PTPN12: variants seen among roughly 807,000 people sequenced by gnomAD.
PTPN12 encodes the protein protein tyrosine phosphatase non-receptor type 12, also known as tyrosine-protein phosphatase non-receptor type 12.
PTPN12 carries 29 observed loss-of-function variants against 97.6 expected under a neutral mutation model. The observed-to-expected ratio is 0.30, with a 90% CI of 0.22 to 0.41. The LOEUF (loss-of-function observed/expected upper bound fraction) is 0.41. Ranked by LOEUF, PTPN12 falls within the 10% of genes least tolerant of loss-of-function variation. The pLI is 1.00. For missense variants in PTPN12, 819 were observed against 926.0 expected (o/e 0.88, Z 1.50); for synonymous variants, 327 against 300.4 (o/e 1.09, Z -0.91).
chr7:77,633,524 G>A (rs1789477959), intron 14 of PTPN12, among the ~76,000 whole-genome samples: 1 of 151,384 alleles, frequency 6.6e-6, no homozygotes, highest in Non-Finnish European at 1.5e-5. Flanking sequence ...CAGGAGAATC[G>A]CTTGAACCCC....
intron 6 of PTPN12, among the ~76,000 whole-genome samples, chr7:77,592,546 A>G (rs1421720210): frequency 6.6e-6 from 1 of 152,194 alleles, no homozygotes; most frequent in African/African-American, 2.4e-5. Context: ...TGTGCTTTTA[A>G]TATTTGGAAA....
At chr7:77,636,348 C>T (rs529616222) in intron 15 of PTPN12, among the ~76,000 whole-genome samples, 3 of 151,940 alleles carry the variant, frequency 2.0e-5, no homozygotes, top group African/African-American at 7.2e-5. Flanking sequence ...TTTGGGAGGC[C>T]AAGCAGAAGG....
chr7:77,593,315 C>T (rs1787925339), intron 6 of PTPN12, among the ~76,000 whole-genome samples: 1 of 151,872 alleles, frequency 6.6e-6, no homozygotes, highest in South Asian at 2.1e-4. Context: ...TAGGGTTCTC[C>T]AGAGAAGCAG....
chr7:77,618,266 T>C lies in PTPN12; in HGVS notation c.940-214T>C, dbSNP rs138355837. ...CTGCTGTACACCTTGATCTTTCCAG[T>C]AACTGTGATGCGCTGTTTTTTTGAT... On this transcript the variant is annotated intron_variant, in intron 11 of 17. Coordinates refer to ENST00000248594, the MANE Select transcript of PTPN12 (RefSeq NM_002835.4). Among the ~76,000 whole-genome samples, 186 of 152,260 alleles carry C rather than the reference T, an allele frequency of 1.2e-3. 2 individuals are homozygous for C. The highest frequency in any genetic ancestry group is 3.9e-3 in the African/African-American group (161 of 41,558).
chr7:77,592,144 C>T (rs1265424398), intron 5 of PTPN12, 41 bp from the exon 6 acceptor site: 32 of 1,522,226 alleles, frequency 2.1e-5, no homozygotes, highest in African/African-American at 2.8e-5. Flanking sequence ...TTAAGAAAAA[C>T]TTACATGAAT....
intron 9 of PTPN12, among the ~76,000 whole-genome samples, chr7:77,610,339 A>T (rs1278471723): frequency 6.6e-6 from 1 of 152,184 alleles, no homozygotes; most frequent in East Asian, 1.9e-4. Context: ...TCCTCCTTTG[A>T]GTACCTTCTC....
At chr7:77,609,272 T>TG (rs1788479130) in intron 9 of PTPN12, among the ~76,000 whole-genome samples, 1 of 61,192 alleles carries the variant, frequency 1.6e-5, no homozygotes, top group African/African-American at 1.2e-4. Flanking sequence ...TCTCTCTCTC[T>TG]CTTTTTTTTT....
At chr7:77,615,588 C>T (rs977321420) in intron 11 of PTPN12, among the ~76,000 whole-genome samples, 44 of 152,052 alleles carry the variant, frequency 2.9e-4, no homozygotes, top group Admixed American at 2.7e-3. Context: ...CTATACAAAA[C>T]AATTTTTTTT....
At chr7:77,541,137 C>A (rs1163429771) in intron 1 of PTPN12, among the ~76,000 whole-genome samples, 1 of 152,166 alleles carries the variant, frequency 6.6e-6, no homozygotes, top group East Asian at 1.9e-4. Flanking sequence ...GTCACCCAGG[C>A]TGGAGTGCAT....
intron 1 of PTPN12, among the ~76,000 whole-genome samples, chr7:77,541,074 GGTTTT>G (rs1806950069): frequency 6.6e-6 from 1 of 151,908 alleles, no homozygotes; most frequent in Non-Finnish European, 1.5e-5. Flanking sequence ...AATATTTTTT[GGTTTT>G]GTTTTGTTTT....
At position 77,537,518 on chromosome 7, in the gene PTPN12, A is replaced by C. The variant is rs1256883249; in HGVS notation, c.-29A>C. The C allele has an allele frequency of 1.3e-6, 2 of 1,562,820 alleles. No individual in the cohort carries two copies. The highest frequency in any genetic ancestry group is 1.8e-5 in the Admixed American group (1 of 54,256). ...CGGGCGGGCGGGCGGCGGGGGGGCC[A>C]GCGACCGCAGCCGGGGGGACGCGGG... On this transcript the variant is annotated 5_prime_UTR_variant, in exon 1 of 18. Coordinates refer to ENST00000248594, the MANE Select transcript of PTPN12 (RefSeq NM_002835.4).
chr7:77,627,517 C>G lies in PTPN12; in HGVS notation c.1838C>G (p.Ser613Cys), dbSNP rs180735669. The G allele has an allele frequency of 5.0e-6, 8 of 1,614,102 alleles. No homozygotes were observed. Among genetic ancestry groups the G allele is most frequent in the Admixed American group, 3.3e-5 (2 of 59,998 alleles). Reference protein sequence around the residue: ...SDDSDSDERNSDGAVTQNKTN... With the variant: ...SDDSDSDERNCDGAVTQNKTN... ...GACTCAGACTCAGATGAAAGAAACT[C>G]TGATGGTGCTGTGACCCAGAATAAA... is the stretch of plus-strand genomic sequence containing the variant. The change falls in exon 13 of 18, where the codon TCT becomes TGT. Residue 613 changes from serine (S) to cysteine (C), a missense_variant. By Grantham distance (112) the Ser-to-Cys change is moderately radical. This residue lies in a region of PTPN12 where 607 missense variants were observed against 577.3 expected (regional missense o/e 1.05). Transcript: ENST00000248594.
At chr7:77,637,503 A>C (rs933653156) in intron 16 of PTPN12, among the ~76,000 whole-genome samples, 1 of 152,158 alleles carries the variant, frequency 6.6e-6, no homozygotes, top group African/African-American at 2.4e-5. Flanking sequence ...TTTTGTTACT[A>C]ATCTTAAACA....
intron 4 of PTPN12, among the ~76,000 whole-genome samples, chr7:77,584,589 C>A (rs796739543): frequency 2.0e-5 from 3 of 152,092 alleles, no homozygotes; most frequent in African/African-American, 7.2e-5. Context: ...AAATTATGTT[C>A]TAGATTGGCC....
At chr7:77,545,672 G>T (rs1476375822) in intron 1 of PTPN12, 1 of 150,684 alleles carries the variant, frequency 6.6e-6, no homozygotes, top group East Asian at 1.9e-4. Flanking sequence ...ATCCAATTTT[G>T]TAACTTTGGT....
At chr7:77,603,431 T>C (rs1296993453) in intron 8 of PTPN12, among the ~76,000 whole-genome samples, 2 of 152,336 alleles carry the variant, frequency 1.3e-5, no homozygotes, top group East Asian at 3.9e-4. Context: ...GAGATAACCA[T>C]TGTTAAAACT....
chr7:77,603,714 C>T (rs566557333), intron 8 of PTPN12, among the ~76,000 whole-genome samples: 24 of 152,062 alleles, frequency 1.6e-4, no homozygotes, highest in African/African-American at 5.5e-4. Flanking sequence ...GGATAAATAT[C>T]CAGAAGTGAG....
In PTPN12 at chr7:77,632,333, A is replaced by G. The variant is rs370759205; in HGVS notation, c.1997-15A>G. The G allele has an allele frequency of 1.3e-6, 2 of 1,542,254 alleles. No individual in the cohort carries two copies. The highest frequency in any genetic ancestry group is 2.7e-5 in the African/African-American group (2 of 73,410). ...GACATGTTAATTTGTCTAAATTTTT[A>G]TGTGTTTAATTTAGATGTTGATGTT... On this transcript the variant is annotated splice_polypyrimidine_tract_variant and intron_variant, in intron 13 of 17. Coordinates refer to ENST00000248594, the MANE Select transcript of PTPN12 (RefSeq NM_002835.4).
chr7:77,623,700 T>C (rs887176840), intron 12 of PTPN12, among the ~76,000 whole-genome samples: 2 of 152,224 alleles, frequency 1.3e-5, no homozygotes, highest in Non-Finnish European at 2.9e-5. Context: ...AGTAACAGAA[T>C]GAGACTCTGT....
Sources: allele counts gnomAD v4.1 joint callset (sites outside exome capture counted in the v4.1 genomes callset), GRCh38; gene constraint gnomAD v4.1.1; regional missense constraint gnomAD v4.1.1; transcripts MANE v1.5; gene names NCBI Gene and HGNC (gene_info 2026-07-23, HGNC 2026-07-21).